The following KIAA0513 variants were observed in gnomAD, a reference collection of about 807,000 sequenced individuals.
KIAA0513 encodes uncharacterized protein KIAA0513.
KIAA0513 carries 39 observed loss-of-function variants against 56.5 expected under a neutral mutation model. The ratio of observed to expected loss-of-function variants is 0.69; its 90% CI spans 0.53 to 0.90. The LOEUF (loss-of-function observed/expected upper bound fraction) is 0.90. Ranked by LOEUF, KIAA0513 falls within the 40% of genes least tolerant of loss-of-function variation. The pLI is 0.00. For synonymous variants in KIAA0513, 268 were observed against 215.6 expected, an observed-to-expected ratio of 1.24 and a Z score of -2.13; for missense variants, 591 against 535.2, an observed-to-expected ratio of 1.10 and a Z score of -1.03.
At chr16:85,073,417 C>T (rs909859701) in intron 4 of KIAA0513, among the ~76,000 whole-genome samples, 2 of 152,220 alleles carry the variant, frequency 1.3e-5, no homozygotes, top group African/African-American at 2.4e-5. Flanking sequence ...GCTTTCCCTG[C>T]GAACACTGAT....
chr16:85,054,180 G>A (rs1049779059), intron 1 of KIAA0513, among the ~76,000 whole-genome samples: 11 of 151,854 alleles, frequency 7.2e-5, no homozygotes, highest in Non-Finnish European at 1.5e-4. Flanking sequence ...AAACACTGCC[G>A]TTTACACTAT....
At chr16:85,053,301 C>T (rs1003081635) in intron 1 of KIAA0513, among the ~76,000 whole-genome samples, 5 of 152,200 alleles carry the variant, frequency 3.3e-5, no homozygotes, top group Non-Finnish European at 5.9e-5. Flanking sequence ...AAACACCCAG[C>T]GAATGAATGA....
rs1354210340 is a variant in KIAA0513 at position 85,088,498 on chromosome 16, C to G, written c.*173C>G. ...ATCCGCTGTTCCTCCCTCATCTCCTCTGCCTGTGTCTGCGACCCCCATCCA... is the reference window on the plus strand; with the variant it reads ...ATCCGCTGTTCCTCCCTCATCTCCTGTGCCTGTGTCTGCGACCCCCATCCA... On this transcript the variant is annotated 3_prime_UTR_variant, in exon 13 of 13. Coordinates refer to ENST00000683363, the MANE Select transcript of KIAA0513 (RefSeq NM_001388359.1). 1.7e-6 allele frequency: 1 copy of G among 601,486 alleles called. No individual in the cohort carries two copies. The allele number at this position is 601,486 out of a possible 1,614,324, so 37.3% of individuals were successfully genotyped here. A position where few individuals can be genotyped will look rare whatever the true frequency, so the allele number is the denominator to read the frequency against.
At chr16:85,087,473 G>A (rs764561049) in intron 12 of KIAA0513, among the ~76,000 whole-genome samples, 8 of 152,226 alleles carry the variant, frequency 5.3e-5, no homozygotes, top group East Asian at 1.9e-4. Flanking sequence ...CAGCTTGCAC[G>A]GAGCCAAACT....
At chr16:85,084,162 A>G (rs2073780683) in intron 10 of KIAA0513, among the ~76,000 whole-genome samples, 1 of 150,142 alleles carries the variant, frequency 6.7e-6, no homozygotes, top group Admixed American at 6.7e-5. Flanking sequence ...CCTGGGTTCA[A>G]GCGATTCTCC....
chr16:85,078,736 A>T (rs574510310), intron 7 of KIAA0513, among the ~76,000 whole-genome samples, 189 bp from the exon 8 acceptor site: 1 of 152,348 alleles, frequency 6.6e-6, no homozygotes, highest in South Asian at 2.1e-4. Flanking sequence ...CCTCAGAAGA[A>T]GTCCTTATTG....
intron 2 of KIAA0513, among the ~76,000 whole-genome samples, chr16:85,071,335 T>G (rs2073570417): frequency 6.6e-6 from 1 of 152,218 alleles, no homozygotes; most frequent in Non-Finnish European, 1.5e-5. Flanking sequence ...GTCAGTATGC[T>G]GAGACAGAGC....
In KIAA0513 at chr16:85,067,332, C is replaced by G. The variant is rs80148853; in HGVS notation, c.261C>G (p.Thr87=). The G allele has an allele frequency of 1.4e-5, 22 of 1,609,938 alleles. No individual in the cohort carries two copies. In the East Asian group the frequency reaches 4.2e-4, roughly 31 times the overall value. The change falls in exon 2 of 13, where the codon ACC becomes ACG. Residue 87 remains threonine, a synonymous_variant. Coordinates refer to ENST00000683363, the MANE Select transcript of KIAA0513 (RefSeq NM_001388359.1). The part of the protein sequence containing the change: ...SFSSNQSTES[T]QDEETLALRD... ...CCTCCAACCAGAGCACCGAGTCTAC[C>G]CAGGATGAAGAGACCCTGGCACTCA...
intron 1 of KIAA0513, among the ~76,000 whole-genome samples, chr16:85,030,836 G>A (rs1041010351): frequency 1.3e-4 from 20 of 152,152 alleles, no homozygotes; most frequent in Non-Finnish European, 2.9e-5. Context: ...GCATCATGGG[G>A]AGGAGTCCTA....
In KIAA0513 at chr16:85,066,980, G is replaced by C; in HGVS notation, c.-92G>C. ...TACTGGCAACTTGTGAGCTTGGTGG[G>C]CTCCTACTAACGCACCTGGGACACC... On this transcript the variant is annotated 5_prime_UTR_variant, in exon 2 of 13. Transcript: ENST00000683363. 1.8e-6 allele frequency: 2 copies of C among 1,137,140 alleles called. No homozygotes were observed. The highest frequency in any genetic ancestry group is 2.5e-6 in the Non-Finnish European group (2 of 812,102). 70.4% of individuals were successfully genotyped at this position (1,137,140 alleles called of 1,614,324 possible). A position where few individuals can be genotyped will look rare whatever the true frequency, so the allele number is the denominator to read the frequency against.
intron 1 of KIAA0513, among the ~76,000 whole-genome samples, chr16:85,049,656 T>G (rs975677912): frequency 1.3e-5 from 2 of 152,106 alleles, no homozygotes; most frequent in Admixed American, 1.3e-4. Flanking sequence ...CCTCTTAACC[T>G]TCTGCTGTGT....
intron 1 of KIAA0513, among the ~76,000 whole-genome samples, chr16:85,053,989 T>G (rs1274246949): frequency 1.4e-5 from 1 of 73,904 alleles, no homozygotes; most frequent in South Asian, 5.0e-4. Flanking sequence ...AGACTCTGTC[T>G]CAAAAAAAAA....
At chr16:85,054,608 T>G (rs1325889758) in intron 1 of KIAA0513, among the ~76,000 whole-genome samples, 2 of 151,838 alleles carry the variant, frequency 1.3e-5, no homozygotes, top group Non-Finnish European at 2.9e-5. Context: ...TTTTGTATTT[T>G]TAGTAGAGAT....
chr16:85,071,765 C>CTTT lies in KIAA0513; in HGVS notation c.330-5_330-3dup, dbSNP rs546709644. The CTTT allele has an allele frequency of 1.4e-3, 1,636 of 1,204,030 alleles. 1 individual carries two copies. Among genetic ancestry groups the CTTT allele is most frequent in the South Asian group, 3.9e-3 (262 of 66,530 alleles). 74.6% of individuals were successfully genotyped at this position (1,204,030 alleles called of 1,614,324 possible). On this transcript the variant is annotated splice_polypyrimidine_tract_variant and intron_variant, in intron 2 of 12. Coordinates refer to ENST00000683363, the MANE Select transcript of KIAA0513 (RefSeq NM_001388359.1). ...GGGTTTTTTTTTTTTTTCCTCTGCT[C>CTTT]TTTTTTTTTTTTTTTAGGGAGGACT...
intron 1 of KIAA0513, among the ~76,000 whole-genome samples, chr16:85,028,283 A>G (rs931919061): frequency 1.3e-5 from 2 of 152,136 alleles, no homozygotes; most frequent in Non-Finnish European, 2.9e-5. Flanking sequence ...CTGCAAGGGC[A>G]TTCTGGGGAG....
rs2073658732 is a variant in KIAA0513, at chr16:85,076,564, G to A, written c.574+650G>A. On this transcript the variant is annotated intron_variant, in intron 5 of 12. Coordinates refer to ENST00000683363, the MANE Select transcript of KIAA0513 (RefSeq NM_001388359.1). The surrounding 1 kb of genome is among the most constrained non-coding windows in gnomAD (Gnocchi z 4.7). ...CGTGGACTGGAGCTAGGTCAGGGAG[G>A]TGCTAGGCCCTGGTCCCCCGTGCTT... Among the ~76,000 whole-genome samples the A allele has an allele frequency of 6.6e-6, 1 of 152,156 alleles. No homozygotes were observed. The highest frequency in any genetic ancestry group is 2.4e-5 in the African/African-American group (1 of 41,428).
In KIAA0513 at chr16:85,049,111, G is replaced by A. The variant is rs148691706; in HGVS notation, c.-172-17789G>A. Among the ~76,000 whole-genome samples, 12 of 152,366 alleles carry A rather than the reference G, an allele frequency of 7.9e-5. No individual in the cohort carries two copies. The South Asian group carries it at 1.2e-3, about 16-fold the overall frequency. On this transcript the variant is annotated intron_variant, in intron 1 of 12. Transcript: ENST00000683363. ...CTGTCTTAGCTCCCTGCCAAACTGC[G>A]TGGGCAGCTACAAGCAGCTCCAGAT...
rs2073739759 is a variant in KIAA0513 at position 85,081,260 on chromosome 16, C to G, written c.903-55C>G. On this transcript the variant is annotated intron_variant, in intron 8 of 12. Coordinates refer to ENST00000683363, the MANE Select transcript of KIAA0513 (RefSeq NM_001388359.1). This position sits in a 1 kb window ranked among gnomAD's most constrained non-coding sequence, Gnocchi z 4.4. ...GTTTATCCCTCAAGGGGCCCACAAC[C>G]CGTGTCCTCCCCGCCTCCCCTTGGA... 3 of 1,536,836 alleles carry G rather than the reference C, an allele frequency of 2.0e-6. No homozygotes were observed. The highest frequency in any genetic ancestry group is 2.7e-6 in the Non-Finnish European group (3 of 1,110,716).
intron 1 of KIAA0513, among the ~76,000 whole-genome samples, chr16:85,028,969 G>A (rs1025344551): frequency 1.3e-5 from 2 of 152,168 alleles, no homozygotes; most frequent in Non-Finnish European, 2.9e-5. Flanking sequence ...CCTAAAAGCA[G>A]GGCAGAGAGA....
Sources: allele counts gnomAD v4.1 joint callset (sites outside exome capture counted in the v4.1 genomes callset), GRCh38; gene constraint gnomAD v4.1.1; non-coding constraint Gnocchi (gnomAD v3.1); transcripts MANE v1.5; gene names NCBI Gene and HGNC (gene_info 2026-07-23, HGNC 2026-07-21).